MPHOSPH9: variants seen among roughly 807,000 people sequenced by gnomAD.
MPHOSPH9 encodes M-phase phosphoprotein 9.
In MPHOSPH9, 88 loss-of-function variants were observed where a neutral mutation model predicts 145.5. That is an observed-to-expected ratio of 0.60 (90% CI 0.51 to 0.72). The LOEUF (loss-of-function observed/expected upper bound fraction) is 0.72, where lower values mean the gene tolerates loss of function less well. MPHOSPH9 is among the 30% of genes least tolerant of loss of function. The probability of loss-of-function intolerance (pLI) is 0.00; values close to 1 mark genes in which losing one functional copy is unlikely to be tolerated. For missense variants in MPHOSPH9, 1,238 were observed against 1,386.6 expected, an observed-to-expected ratio of 0.89 and a Z score of 1.70; for synonymous variants, 435 against 486.2, an observed-to-expected ratio of 0.89 and a Z score of 1.39.
intron 21 of MPHOSPH9, among the ~76,000 whole-genome samples, chr12:123,161,596 G>A (rs1298976871): frequency 6.7e-6 from 1 of 148,572 alleles, no homozygotes; most frequent in Non-Finnish European, 1.5e-5. Flanking sequence ...GACAATCTTT[G>A]CAACTTCCCT....
intron 13 of MPHOSPH9, among the ~76,000 whole-genome samples, chr12:123,190,625 A>G (rs2045637891): frequency 6.6e-6 from 1 of 152,014 alleles, no homozygotes; most frequent in African/African-American, 2.4e-5. Flanking sequence ...GGGAAAAACC[A>G]GGTTGCAGCA....
chr12:123,169,890 G>A (rs541411591), intron 16 of MPHOSPH9, among the ~76,000 whole-genome samples: 4 of 151,744 alleles, frequency 2.6e-5, no homozygotes, highest in Non-Finnish European at 5.9e-5. Context: ...TGCCCAGCCC[G>A]ATCTTGCAAA....
chr12:123,204,664 C>T (rs995412759), intron 8 of MPHOSPH9, among the ~76,000 whole-genome samples: 3 of 152,152 alleles, frequency 2.0e-5, no homozygotes, highest in Non-Finnish European at 4.4e-5. Context: ...CGCCTGAGGT[C>T]GGGAGTTCGA....
In MPHOSPH9 at chr12:123,161,398, A is replaced by T; in HGVS notation, c.3134-15T>A. ...ATAAGTTTTTTCTGTCAGAGAGGAG[A>T]GAAATTGCTTATATTTCTTATCAAT... On this transcript the variant is annotated splice_polypyrimidine_tract_variant and intron_variant, in intron 21 of 23. Coordinates refer to ENST00000606320, the MANE Select transcript of MPHOSPH9 (RefSeq NM_022782.4). The T allele has an allele frequency of 6.2e-7, 1 of 1,612,706 alleles. No homozygotes were observed. The highest frequency in any genetic ancestry group is 8.5e-7 in the Non-Finnish European group (1 of 1,179,308).
At chr12:123,204,654 C>T (rs532761769) in intron 8 of MPHOSPH9, among the ~76,000 whole-genome samples, 1 of 152,296 alleles carries the variant, frequency 6.6e-6, no homozygotes, top group Non-Finnish European at 1.5e-5. Context: ...GCAGGCGGAT[C>T]GCCTGAGGTC....
At chr12:123,205,760 T>C (rs910565352) in intron 8 of MPHOSPH9, among the ~76,000 whole-genome samples, 17 of 152,158 alleles carry the variant, frequency 1.1e-4, no homozygotes, top group Admixed American at 2.0e-4. Flanking sequence ...ACTTTTATGT[T>C]CTTGTCATGT....
intron 7 of MPHOSPH9, among the ~76,000 whole-genome samples, chr12:123,212,397 G>A (rs1010672211): frequency 3.3e-5 from 5 of 152,018 alleles, no homozygotes; most frequent in Non-Finnish European, 7.4e-5. Context: ...TCAAAGAAAC[G>A]GACAGAGCAC....
At position 123,161,357 on chromosome 12, in the gene MPHOSPH9, C is replaced by T. The variant is rs201364928; in HGVS notation, c.3160G>A (p.Asp1054Asn). 7.4e-6 allele frequency: 12 copies of T among 1,613,826 alleles called. No individual in the cohort carries two copies. Among genetic ancestry groups the T allele is most frequent in the African/African-American group, 1.3e-5 (1 of 74,874 alleles). Reference protein sequence around the residue: ...EEKTYSEKATDNHVNHSSCPE... With the variant: ...EEKTYSEKATNNHVNHSSCPE... ...CAAGAGCTATGATTAACATGGTTAT[C>T]GGTGGCTTTCTCAGAATAAGTTTTT... The change falls in exon 22 of 24, where the codon GAT (aspartate) becomes AAT (asparagine). Residue 1054 changes from aspartate to asparagine, a missense_variant. Transcript: ENST00000606320.
At chr12:123,235,367 G>A (rs1331974019), upstream of MPHOSPH9, among the ~76,000 whole-genome samples, 1 of 151,980 alleles carries the variant, frequency 6.6e-6, no homozygotes, top group Non-Finnish European at 1.5e-5. Flanking sequence ...GAGAGGAGTC[G>A]TCAAATACAG....
At chr12:123,184,992 C>T (rs989672691) in intron 13 of MPHOSPH9, among the ~76,000 whole-genome samples, 4 of 151,942 alleles carry the variant, frequency 2.6e-5, no homozygotes, top group Non-Finnish European at 5.9e-5. Flanking sequence ...TTAGTAGAGA[C>T]AGGGTTTCAC....
intron 12 of MPHOSPH9, 137 bp downstream of exon 12, chr12:123,198,110 T>C (rs867234915): frequency 1.5e-5 from 10 of 673,978 alleles, no homozygotes; most frequent in Middle Eastern, 2.8e-4. Context: ...GTAAAGTTTA[T>C]AGCATTATAT....
At chr12:123,216,867 T>C (rs1434115625) in intron 6 of MPHOSPH9, among the ~76,000 whole-genome samples, 2 of 151,954 alleles carry the variant, frequency 1.3e-5, no homozygotes, top group African/African-American at 4.8e-5. Flanking sequence ...CACGCGCCTA[T>C]AGTCCCAGCT....
rs1460174429 is a variant in MPHOSPH9 at position 123,194,482 on chromosome 12, A to G, written c.2145T>C (p.Ser715=). 6.2e-7 allele frequency: 1 copy of G among 1,611,982 alleles called. No homozygotes were observed. The highest frequency in any genetic ancestry group is 8.5e-7 in the Non-Finnish European group (1 of 1,179,240). Residue 715 remains serine, a synonymous_variant, in exon 13 of 24, where the codon TCT becomes TCC. Coordinates refer to ENST00000606320, the MANE Select transcript of MPHOSPH9 (RefSeq NM_022782.4). ...ATGCTTCTTCTAAATCTTGCAGTCT[A>G]GATTTTAGTCGAATGATGGTATTGT... ...EKDNTIIRLK[S]RLQDLEEAFE... is the part of the protein sequence containing the mutation.
In MPHOSPH9 at chr12:123,156,694, G is replaced by A; in HGVS notation, c.*113C>T. The A allele has an allele frequency of 3.1e-6, 2 of 642,450 alleles. No homozygotes were observed. Among genetic ancestry groups the A allele is most frequent in the Non-Finnish European group, 5.0e-6 (2 of 400,036 alleles). The allele number at this position is 642,450 out of a possible 1,614,324, so 39.8% of individuals were successfully genotyped here. A position where few individuals can be genotyped will look rare whatever the true frequency, so the allele number is the denominator to read the frequency against. Reference sequence around the variant, plus strand: ...TAGCAAGTGTAAGAATAGCATGATTGTAAAACTACTGTTTGAAGGCTTATA... The same window carrying A: ...TAGCAAGTGTAAGAATAGCATGATTATAAAACTACTGTTTGAAGGCTTATA... On this transcript the variant is annotated 3_prime_UTR_variant, in exon 24 of 24. Transcript: ENST00000606320.
At chr12:123,235,793 G>C (rs2047841670), upstream of MPHOSPH9, among the ~76,000 whole-genome samples, 1 of 152,054 alleles carries the variant, frequency 6.6e-6, no homozygotes, top group Non-Finnish European at 1.5e-5. Flanking sequence ...GCCGGGCGTG[G>C]TGGCTCATGC....
chr12:123,212,954 G>T (rs2046803714), intron 7 of MPHOSPH9, among the ~76,000 whole-genome samples: 1 of 150,286 alleles, frequency 6.7e-6, no homozygotes, highest in Non-Finnish European at 1.5e-5. Flanking sequence ...CTGCCTCCTG[G>T]GTTCACGCCA....
intron 4 of MPHOSPH9, 36 bp downstream of exon 4, chr12:123,223,002 A>C: frequency 8.9e-7 from 1 of 1,122,186 alleles, no homozygotes; most frequent in Non-Finnish European, 1.2e-6. Context: ...ATGTATATGT[A>C]TATAAAAAAA....
Position 123,202,800 on chromosome 12 carries a change from C to T in MPHOSPH9, c.1605G>A (p.Thr535=). The change falls in exon 10 of 24, where the codon ACG becomes ACA. Residue 535 remains threonine, a synonymous_variant. Transcript: ENST00000606320. ...TFQNESRTSS[T]FPSVYTITSN... ...TAGTAATGGTATATACTGACGGAAACGTGGAACTGGTCCTACTTTCGTTTT... is the reference window on the plus strand; with the variant it reads ...TAGTAATGGTATATACTGACGGAAATGTGGAACTGGTCCTACTTTCGTTTT... 2 of 1,614,138 alleles carry T rather than the reference C, an allele frequency of 1.2e-6. No individual in the cohort carries two copies. Among genetic ancestry groups the T allele is most frequent in the East Asian group, 2.2e-5 (1 of 44,882 alleles).
At chr12:123,160,677 G>A in intron 23 of MPHOSPH9, 104 bp downstream of exon 23, 2 of 1,008,848 alleles carry the variant, frequency 2.0e-6, no homozygotes, top group Non-Finnish European at 2.9e-6. Flanking sequence ...CTGCTTCAGT[G>A]TGTCTAATTT....
Sources: allele counts gnomAD v4.1 joint callset (sites outside exome capture counted in the v4.1 genomes callset), GRCh38; gene constraint gnomAD v4.1.1; transcripts MANE v1.5; gene names NCBI Gene and HGNC (gene_info 2026-07-23, HGNC 2026-07-21).